APC: variants seen among roughly 807,000 people sequenced by gnomAD.
APC encodes adenomatous polyposis coli protein.
A neutral mutation model predicts 247.0 loss-of-function variants in APC; 72 were observed. That is an observed-to-expected ratio of 0.29 (90% CI 0.24 to 0.35). The LOEUF (loss-of-function observed/expected upper bound fraction) is 0.35, where lower values mean the gene tolerates loss of function less well. APC is among the 10% of genes least tolerant of loss of function. The probability of loss-of-function intolerance (pLI) is 1.00; values close to 1 mark genes in which losing one functional copy is unlikely to be tolerated. For missense variants in APC, 3,400 were observed against 3,360.7 expected, an observed-to-expected ratio of 1.01 and a Z score of -0.29; for synonymous variants, 1,254 against 1,162.5, an observed-to-expected ratio of 1.08 and a Z score of -1.60.
chr5:112,736,976 G>A (rs2149680350), upstream of APC, among the ~76,000 whole-genome samples: 1 of 152,196 alleles, frequency 6.6e-6, no homozygotes, highest in East Asian at 1.9e-4. Flanking sequence ...AATAGAAACT[G>A]GTTTCCCCCC....
In APC at chr5:112,842,693, A is replaced by G. The variant is rs772778630; in HGVS notation, c.7099A>G (p.Thr2367Ala). Reference sequence around the variant, plus strand: ...CTCAGGTTCTGGAAAAATGTCATATACATCTCCAGGTAGACAGATGAGCCA... The same window carrying G: ...CTCAGGTTCTGGAAAAATGTCATATGCATCTCCAGGTAGACAGATGAGCCA... ...KSSGSGKMSY[T>A]SPGRQMSQQN... The change falls in exon 16 of 16, where the codon ACA becomes GCA. Residue 2367 changes from threonine (T) to alanine (A), a missense_variant. By Grantham distance (58) the Thr-to-Ala change is moderately conservative. Coordinates refer to ENST00000257430, the MANE Select transcript of APC (RefSeq NM_000038.6). The G allele has an allele frequency of 5.0e-6, 8 of 1,613,190 alleles. No individual in the cohort carries two copies. In the African/African-American group the frequency reaches 6.7e-5, roughly 13 times the overall value.
At position 112,777,283 on chromosome 5, in the gene APC, C is replaced by T. The variant is rs1031559576; in HGVS notation, c.531+1546C>T. ...CATTTTCTTTATACACACACACACA[C>T]GAAAAAAAAACAAGTAAGAAACCCA... On this transcript the variant is annotated intron_variant, in intron 5 of 15. Transcript: ENST00000257430. Among the ~76,000 whole-genome samples the T allele has an allele frequency of 6.6e-5, 10 of 150,720 alleles. No homozygotes were observed. In the South Asian group the frequency reaches 1.5e-3, roughly 22 times the overall value.
chr5:112,707,873 C>A lies in APC; in HGVS notation c.156C>A (p.Ser52Arg), dbSNP rs1051954601. The change falls in exon 1 of 14, where the codon AGC (serine) becomes AGA (arginine). Residue 52 changes from serine (S) to arginine (R), a missense_variant. Transcript: ENST00000507379. ...CTCGTACTTCTGGCCACTGGGCGAG[C>A]GTCTGGCAGGTGAGTGAGGCTGCAG... The A allele has an allele frequency of 3.7e-6, 5 of 1,368,846 alleles. No individual in the cohort carries two copies. The highest frequency in any genetic ancestry group is 4.8e-6 in the Non-Finnish European group (5 of 1,037,874). 84.8% of individuals were successfully genotyped at this position (1,368,846 alleles called of 1,614,324 possible).
rs1161403013 is a variant in APC at position 112,730,396 on chromosome 5, C to G, written c.165+22514C>G. On this transcript the variant is annotated intron_variant, in intron 1 of 13. Coordinates refer to the APC transcript ENST00000507379. ...TGCTGCTGAGACATGGAGGATGAGG[C>G]AATATAGTCAGCATTGGCTTTGAAG... is the stretch of plus-strand genomic sequence containing the variant. Among the ~76,000 whole-genome samples the G allele has an allele frequency of 2.0e-5, 3 of 152,154 alleles. No individual in the cohort carries two copies. In the East Asian group the frequency reaches 5.8e-4, roughly 29 times the overall value.
At chr5:112,835,291 G>A (rs368368751) in intron 15 of APC, 126 bp downstream of exon 15, 2 of 828,650 alleles carry the variant, frequency 2.4e-6, no homozygotes, top group East Asian at 5.3e-5. Flanking sequence ...ACTGTGAAAA[G>A]ATAACTACTA....
chr5:112,811,042 A>G (rs1761933946), intron 8 of APC, among the ~76,000 whole-genome samples: 1 of 152,134 alleles, frequency 6.6e-6, no homozygotes, highest in Admixed American at 6.6e-5. Flanking sequence ...CACACACAAA[A>G]AAAGAACCAA....
rs941161528 is a variant in APC, at chr5:112,845,398, T to C, written c.*1272T>C. 2 of 233,006 alleles carry C rather than the reference T, an allele frequency of 8.6e-6. No homozygotes were observed. The highest frequency in any genetic ancestry group is 4.4e-5 in the African/African-American group (2 of 45,330). The allele number at this position is 233,006 out of a possible 1,614,324, so 14.4% of individuals were successfully genotyped here. A position where few individuals can be genotyped will look rare whatever the true frequency, so the allele number is the denominator to read the frequency against. On this transcript the variant is annotated 3_prime_UTR_variant, in exon 16 of 16. Transcript: ENST00000257430. Reference sequence around the variant, plus strand: ...GTACTTGAAATTGATTCTTAGACATTGCAGTCTCTTCGAGGCTTTACAGTG... The same window carrying C: ...GTACTTGAAATTGATTCTTAGACATCGCAGTCTCTTCGAGGCTTTACAGTG...
chr5:112,770,095 C>T (rs963568954), intron 4 of APC, among the ~76,000 whole-genome samples: 3 of 152,120 alleles, frequency 2.0e-5, no homozygotes, highest in African/African-American at 4.8e-5. Context: ...ATTTTATTAG[C>T]AGAGAGAGGG....
In APC at chr5:112,707,609, C is replaced by T. The variant is rs761634030; in HGVS notation, c.-109C>T. 10 of 1,220,720 alleles carry T rather than the reference C, an allele frequency of 8.2e-6. No individual in the cohort carries two copies. The highest frequency in any genetic ancestry group is 5.3e-5 in the South Asian group (4 of 75,942). 75.6% of individuals were successfully genotyped at this position (1,220,720 alleles called of 1,614,324 possible). A position where few individuals can be genotyped will look rare whatever the true frequency, so the allele number is the denominator to read the frequency against. On this transcript the variant is annotated 5_prime_UTR_variant, in exon 1 of 14. Coordinates refer to the APC transcript ENST00000507379. ...TCGGGGGGGACCTGCGGGCTCAGGCCCGGGAGCTGCGGACCGAGGTTGGCT... is the reference window on the plus strand; with the variant it reads ...TCGGGGGGGACCTGCGGGCTCAGGCTCGGGAGCTGCGGACCGAGGTTGGCT...
At chr5:112,709,014 G>C (rs1399469934) in intron 1 of APC, among the ~76,000 whole-genome samples, 1 of 152,200 alleles carries the variant, frequency 6.6e-6, no homozygotes, top group Non-Finnish European at 1.5e-5. Flanking sequence ...GGATGGAAGG[G>C]TTGGATAACG....
chr5:112,716,506 C>G (rs1226242035), intron 1 of APC, among the ~76,000 whole-genome samples: 2 of 151,872 alleles, frequency 1.3e-5, no homozygotes, highest in African/African-American at 4.8e-5. Flanking sequence ...AGTATATTGT[C>G]TTTTTTTTCC....
intron 2 of APC, among the ~76,000 whole-genome samples, chr5:112,759,621 C>G (rs1190444594): frequency 1.3e-5 from 2 of 152,076 alleles, no homozygotes; most frequent in Non-Finnish European, 2.9e-5. Flanking sequence ...CTCCAAAGTG[C>G]TGGGATTACA....
At chr5:112,771,841 A>G (rs1757086286) in intron 4 of APC, among the ~76,000 whole-genome samples, 2 of 151,706 alleles carry the variant, frequency 1.3e-5, no homozygotes, top group African/African-American at 4.8e-5. Flanking sequence ...TTCTTCCTTT[A>G]TCTGTACTCC....
At chr5:112,804,237 A>G (rs1300493991) in intron 8 of APC, among the ~76,000 whole-genome samples, 1 of 152,246 alleles carries the variant, frequency 6.6e-6, no homozygotes, top group African/African-American at 2.4e-5. Flanking sequence ...CATAGTGCTT[A>G]GCACAATTTA....
chr5:112,784,247 T>C (rs532960751), intron 6 of APC, among the ~76,000 whole-genome samples: 12 of 152,166 alleles, frequency 7.9e-5, no homozygotes, highest in Non-Finnish European at 1.5e-4. Flanking sequence ...TTTGTATTTT[T>C]AGTAGAAACA....
rs116204471 is a variant in APC, at chr5:112,719,651, C to T, written c.165+11769C>T. Among the ~76,000 whole-genome samples the T allele has an allele frequency of 8.2e-4, 125 of 151,878 alleles. 1 individual carries two copies. The highest frequency in any genetic ancestry group is 3.4e-3 in the Middle Eastern group (1 of 292). ...CCAGGTTCAGGCAATTCTCCTGTCT[C>T]AGCCTAGTGAGTAGCTGGAATGACA... is the stretch of plus-strand genomic sequence containing the variant. On this transcript the variant is annotated intron_variant, in intron 1 of 13. Transcript: ENST00000507379.
intron 6 of APC, among the ~76,000 whole-genome samples, chr5:112,787,191 A>G (rs1327546033): frequency 6.6e-6 from 1 of 152,014 alleles, no homozygotes; most frequent in Non-Finnish European, 1.5e-5. Context: ...CTCGGCCTCA[A>G]CCGTGCCTTT....
chr5:112,742,044 T>C (rs959561708), intron 1 of APC, among the ~76,000 whole-genome samples: 2 of 152,206 alleles, frequency 1.3e-5, no homozygotes, highest in African/African-American at 4.8e-5. Flanking sequence ...TCAGGTTGTT[T>C]CCACCTTTTG....
chr5:112,768,987 C>A lies in APC; in HGVS notation c.422+1597C>A, dbSNP rs181942818. On this transcript the variant is annotated intron_variant, in intron 4 of 15. Coordinates refer to ENST00000257430, the MANE Select transcript of APC (RefSeq NM_000038.6). ...TTATCTCTTCTTTCCCTCTGTGTTT[C>A]CTAGCCTCTAGTATTTACTTTTTAC... 2.4e-3 allele frequency among the ~76,000 whole-genome samples: 366 copies of A among 151,420 alleles called. 1 individual carries two copies. The highest frequency in any genetic ancestry group is 8.4e-3 in the African/African-American group (346 of 41,248).
Sources: gnomAD v4.1 joint callset for allele counts (sites outside exome capture counted in the v4.1 genomes callset) on GRCh38, gnomAD v4.1.1 for gene constraint, MANE v1.5 for transcripts, NCBI Gene and HGNC (gene_info 2026-07-23, HGNC 2026-07-21) for gene names.